The following MYO16 variants were observed in gnomAD, a reference collection of about 807,000 sequenced individuals.
MYO16 encodes unconventional myosin-XVI.
Under a neutral mutation model 205.3 loss-of-function variants are expected in MYO16, and 94 were observed. The ratio of observed to expected loss-of-function variants is 0.46; its 90% CI spans 0.39 to 0.54. MYO16 has a LOEUF of 0.54. MYO16 is among the 20% of genes least tolerant of loss of function. MYO16 has a pLI of 0.00. For synonymous variants in MYO16, 988 were observed against 954.0 expected (o/e 1.04, Z -0.66); for missense variants, 2,315 against 2,387.5 (o/e 0.97, Z 0.63).
intron 6 of MYO16, among the ~76,000 whole-genome samples, chr13:108,804,154 A>G (rs1011646486): frequency 1.1e-4 from 16 of 152,304 alleles, no homozygotes; most frequent in African/African-American, 2.9e-4. Flanking sequence ...CATCTGCAAA[A>G]TAAGGGCAAC....
At chr13:108,967,077 C>T (rs1883821290) in intron 20 of MYO16, among the ~76,000 whole-genome samples, 1 of 151,342 alleles carries the variant, frequency 6.6e-6, no homozygotes, top group African/African-American at 2.4e-5. Context: ...GTAAATATAC[C>T]TTGCGATAGA....
chr13:108,835,460 A>G (rs905157703), intron 9 of MYO16, among the ~76,000 whole-genome samples: 1 of 152,234 alleles, frequency 6.6e-6, no homozygotes, highest in Non-Finnish European at 1.5e-5. Flanking sequence ...TCCTTATAGC[A>G]GCATGAGAAC....
intron 21 of MYO16, among the ~76,000 whole-genome samples, chr13:108,994,711 C>A (rs769453441): frequency 6.6e-6 from 1 of 152,094 alleles, no homozygotes. Context: ...GTTCTTCACT[C>A]GAACGTCAAC....
intron 2 of MYO16, among the ~76,000 whole-genome samples, chr13:108,671,415 G>A (rs546006041): frequency 9.9e-5 from 15 of 152,126 alleles, no homozygotes; most frequent in South Asian, 2.1e-4. Flanking sequence ...TGAAGATATC[G>A]GAGGGAAATA....
At chr13:108,504,375 C>T in the MYO16 span, among the ~76,000 whole-genome samples, 1 of 152,238 alleles carries the variant, frequency 6.6e-6, no homozygotes. Flanking sequence ...GATCCACCCA[C>T]CTCAGCCTCC....
chr13:108,770,860 G>C (rs562757713), intron 4 of MYO16, among the ~76,000 whole-genome samples: 1 of 152,234 alleles, frequency 6.6e-6, no homozygotes, highest in East Asian at 1.9e-4. Context: ...AACAAGTCTA[G>C]GTCATCCACT....
intron 11 of MYO16, among the ~76,000 whole-genome samples, chr13:108,857,076 G>A (rs2139104867): frequency 6.6e-6 from 1 of 152,230 alleles, no homozygotes; most frequent in South Asian, 2.1e-4. Context: ...CCTGCATCAA[G>A]GACTTTCCTT....
chr13:108,735,632 A>T (rs2139600580), intron 4 of MYO16, among the ~76,000 whole-genome samples: 1 of 151,318 alleles, frequency 6.6e-6, no homozygotes, highest in African/African-American at 2.4e-5. Context: ...TAGCAGCATG[A>T]TTTATAGTCC....
chr13:109,080,362 T>C (rs1455008680), intron 27 of MYO16, among the ~76,000 whole-genome samples: 1 of 152,194 alleles, frequency 6.6e-6, no homozygotes. Context: ...ACGTGAGTTT[T>C]GGATAGGAAG....
At chr13:108,575,982 C>T in the MYO16 span, among the ~76,000 whole-genome samples, 1 of 152,054 alleles carries the variant, frequency 6.6e-6, no homozygotes, top group African/African-American at 2.4e-5. Flanking sequence ...CCAAATCTAG[C>T]TGGGGCTGGA....
chr13:108,889,083 C>T (rs983208912), intron 14 of MYO16, among the ~76,000 whole-genome samples: 2 of 151,670 alleles, frequency 1.3e-5, no homozygotes, highest in Admixed American at 6.6e-5. Context: ...AGAAAGTGCA[C>T]TTTGGTGTGT....
chr13:109,012,921 C>G (rs962063315), intron 22 of MYO16, among the ~76,000 whole-genome samples: 7 of 151,428 alleles, frequency 4.6e-5, no homozygotes, highest in Non-Finnish European at 1.0e-4. Flanking sequence ...AGTCACTTCT[C>G]CTTCCTGTTG....
In MYO16 at chr13:108,670,826, A is replaced by T. The variant is rs552075343; in HGVS notation, c.292+4677A>T. On this transcript the variant is annotated intron_variant, in intron 2 of 34. Transcript: ENST00000457511. ...GAAATTATTTCACATGTATATATGG[A>T]TGCCATTTTGGTGGAATATAATATA... Among the ~76,000 whole-genome samples the T allele has an allele frequency of 2.6e-5, 4 of 152,304 alleles. No homozygotes were observed. In the East Asian group the frequency reaches 7.7e-4, roughly 29 times the overall value.
chr13:109,133,103 A>G (rs987323646), intron 31 of MYO16, among the ~76,000 whole-genome samples: 10 of 152,216 alleles, frequency 6.6e-5, no homozygotes, highest in African/African-American at 1.9e-4. Context: ...AAGTTATAAC[A>G]AAGTTGCGAC....
At position 109,127,902 on chromosome 13, in the gene MYO16, A is replaced by T. The variant is rs1018735817; in HGVS notation, c.4051+352A>T. ...AACTGCTTCAGGCATTCCAGTTATCACAATCTAATAAAAAATTAAGACTGC... is the reference window on the plus strand; with the variant it reads ...AACTGCTTCAGGCATTCCAGTTATCTCAATCTAATAAAAAATTAAGACTGC... On this transcript the variant is annotated intron_variant, in intron 31 of 34. Transcript: ENST00000457511. The surrounding 1 kb of genome is among the most constrained non-coding windows in gnomAD (Gnocchi z 4.2). Among the ~76,000 whole-genome samples the T allele has an allele frequency of 1.3e-5, 2 of 151,644 alleles. No individual in the cohort carries two copies. Among genetic ancestry groups the T allele is most frequent in the Admixed American group, 1.3e-4 (2 of 15,262 alleles).
intron 12 of MYO16, among the ~76,000 whole-genome samples, chr13:108,879,526 G>C (rs1382497290): frequency 6.6e-6 from 1 of 151,906 alleles, no homozygotes; most frequent in East Asian, 1.9e-4. Context: ...CCCAACCCCA[G>C]ACAGGCCCCA....
chr13:108,538,598 T>C, the MYO16 span, among the ~76,000 whole-genome samples: 4 of 152,062 alleles, frequency 2.6e-5, no homozygotes, highest in South Asian at 2.1e-4. Context: ...TAGAGGAACC[T>C]ATGGGTGATT....
chr13:108,523,039 A>C, the MYO16 span, among the ~76,000 whole-genome samples: 1 of 152,304 alleles, frequency 6.6e-6, no homozygotes. Flanking sequence ...ATTTAGACAG[A>C]GGATAACATT....
chr13:108,910,181 C>T lies in MYO16; in HGVS notation c.1925+31C>T, dbSNP rs563422615. Reference sequence around the variant, plus strand: ...TGACTAAGTATTTTGTATCTAAAAGCTATGCCTTCAAATTGTGATTGCAAT... The same window carrying T: ...TGACTAAGTATTTTGTATCTAAAAGTTATGCCTTCAAATTGTGATTGCAAT... On this transcript the variant is annotated intron_variant, in intron 16 of 34. Transcript: ENST00000457511. The T allele has an allele frequency of 1.1e-4, 174 of 1,590,538 alleles. 1 individual carries two copies. The South Asian group carries it at 1.8e-3, about 17-fold the overall frequency.
Sources: gnomAD v4.1 joint callset for allele counts (sites outside exome capture counted in the v4.1 genomes callset) on GRCh38, gnomAD v4.1.1 for gene constraint, Gnocchi (gnomAD v3.1) non-coding constraint, MANE v1.5 for transcripts, NCBI Gene and HGNC (gene_info 2026-07-23, HGNC 2026-07-21) for gene names.